The following PDE10A variants were observed in gnomAD, a reference collection of about 807,000 sequenced individuals.
The protein encoded by PDE10A is cAMP and cAMP-inhibited cGMP 3',5'-cyclic phosphodiesterase 10A.
A neutral mutation model predicts 97.7 loss-of-function variants in PDE10A; 39 were observed. The ratio of observed to expected loss-of-function variants is 0.40; its 90% confidence interval spans 0.31 to 0.52. The LOEUF (loss-of-function observed/expected upper bound fraction) is 0.52, where lower values mean the gene tolerates loss of function less well. Among genes scored for constraint, PDE10A ranks in the 20% least tolerant of loss-of-function variants. PDE10A has a pLI of 0.56. For synonymous variants in PDE10A, 371 were observed against 376.8 expected, an observed-to-expected ratio of 0.98 and a Z score of 0.18; for missense variants, 731 against 1,047.8, an observed-to-expected ratio of 0.70 and a Z score of 4.17.
At chr6:165,505,086 G>A (rs938949463) in intron 2 of PDE10A, among the ~76,000 whole-genome samples, 4 of 152,086 alleles carry the variant, frequency 2.6e-5, no homozygotes, top group Non-Finnish European at 4.4e-5. Flanking sequence ...GCTTCTCTTC[G>A]TAGCTCTGCC....
intron 1 of PDE10A, among the ~76,000 whole-genome samples, chr6:165,765,604 C>A (rs894463638): frequency 6.6e-6 from 1 of 152,222 alleles, no homozygotes; most frequent in African/African-American, 2.4e-5. Flanking sequence ...AGCCCACGCC[C>A]ACCTGGAACT....
intron 1 of PDE10A, among the ~76,000 whole-genome samples, chr6:165,616,250 T>C (rs1787721123): frequency 6.6e-6 from 1 of 151,986 alleles, no homozygotes; most frequent in South Asian, 2.1e-4. Flanking sequence ...AGGAACCAAC[T>C]GACAAAACGA....
In PDE10A at chr6:165,813,770, T is replaced by C. The variant is rs1779339767; in HGVS notation, c.-615+173759A>G. Among the ~76,000 whole-genome samples, 3 of 140,998 alleles carry C rather than the reference T, an allele frequency of 2.1e-5. No individual in the cohort carries two copies. The South Asian group carries it at 7.4e-4, about 35-fold the overall frequency. The allele number at this position is 140,998 out of a possible 152,430, so 92.5% of individuals were successfully genotyped here. On this transcript the variant is annotated intron_variant, in intron 1 of 19. Transcript: ENST00000366882. ...AGATAAATCCAAACTCTATAAAACCTTGATTGATGCTAATCGCAGACAAAA... is the reference window on the plus strand; with the variant it reads ...AGATAAATCCAAACTCTATAAAACCCTGATTGATGCTAATCGCAGACAAAA...
chr6:165,522,350 A>G (rs1165043948), intron 2 of PDE10A, among the ~76,000 whole-genome samples: 1 of 152,176 alleles, frequency 6.6e-6, no homozygotes, highest in Non-Finnish European at 1.5e-5. Flanking sequence ...ACAATGCAAA[A>G]AGAAAACTAT....
intron 1 of PDE10A, among the ~76,000 whole-genome samples, chr6:165,657,623 G>C (rs1790033219): frequency 6.6e-6 from 1 of 152,186 alleles, no homozygotes; most frequent in African/African-American, 2.4e-5. Context: ...AGTTTTACAT[G>C]CAGAAATGAT....
chr6:165,468,839 A>G (rs1334218200), intron 3 of PDE10A, among the ~76,000 whole-genome samples: 1 of 152,178 alleles, frequency 6.6e-6, no homozygotes, highest in African/African-American at 2.4e-5. Flanking sequence ...TTTTTTACAC[A>G]ATGAAGAAAT....
At chr6:165,498,300 T>TTCAAGTGGC (rs1489357471) in intron 2 of PDE10A, among the ~76,000 whole-genome samples, 1 of 150,794 alleles carries the variant, frequency 6.6e-6, no homozygotes, top group Non-Finnish European at 1.5e-5. Flanking sequence ...GTCCTGGCTA[T>TTCAAGTGGC]TCAAGTGGCT....
intron 1 of PDE10A, among the ~76,000 whole-genome samples, chr6:165,651,432 G>T (rs1053343733): frequency 2.6e-5 from 4 of 152,138 alleles, no homozygotes; most frequent in African/African-American, 7.2e-5. Context: ...TGTGATAGGA[G>T]CTTTAAGTGT....
chr6:165,627,984 C>T (rs932677948), intron 1 of PDE10A, among the ~76,000 whole-genome samples: 1 of 152,172 alleles, frequency 6.6e-6, no homozygotes, highest in Non-Finnish European at 1.5e-5. Flanking sequence ...AATTGTGACA[C>T]CTTGGGGCTT....
chr6:165,670,452 A>G lies in PDE10A; in HGVS notation c.-614-126884T>C, dbSNP rs1034594029. The stretch of plus-strand genomic sequence containing the variant: ...TTCCCACAGGTACACTGAGAAATAT[A>G]AAGGAACATCATTAACTTGGATTCA... On this transcript the variant is annotated intron_variant, in intron 1 of 19. Transcript: ENST00000366882. Among the ~76,000 whole-genome samples the G allele has an allele frequency of 1.4e-4, 21 of 152,210 alleles. 1 individual carries two copies. The highest frequency in any genetic ancestry group is 2.5e-4 in the Non-Finnish European group (17 of 68,030).
chr6:165,368,403 T>C (rs1783969563), intron 18 of PDE10A, among the ~76,000 whole-genome samples: 1 of 152,142 alleles, frequency 6.6e-6, no homozygotes, highest in Admixed American at 6.5e-5. Context: ...TATATAACTA[T>C]AGCAGAAAAG....
intron 18 of PDE10A, among the ~76,000 whole-genome samples, chr6:165,377,695 T>G (rs570961904): frequency 1.3e-5 from 2 of 152,142 alleles, no homozygotes; most frequent in South Asian, 4.1e-4. Flanking sequence ...CCAAGGGATA[T>G]TTCATGAAGG....
intron 18 of PDE10A, among the ~76,000 whole-genome samples, chr6:165,364,777 A>G (rs1020728679): frequency 6.6e-6 from 1 of 152,202 alleles, no homozygotes; most frequent in Admixed American, 6.5e-5. Context: ...ACAACAATCC[A>G]AAGAAGTCTC....
chr6:165,742,575 A>C (rs1181769910), intron 1 of PDE10A, among the ~76,000 whole-genome samples: 2 of 152,132 alleles, frequency 1.3e-5, no homozygotes, highest in Admixed American at 1.3e-4. Context: ...GGCTCGGGTC[A>C]CTGACTATAT....
At chr6:165,882,405 T>C (rs1160736595) in intron 1 of PDE10A, among the ~76,000 whole-genome samples, 1 of 152,234 alleles carries the variant, frequency 6.6e-6, no homozygotes, top group Non-Finnish European at 1.5e-5. Context: ...TACCATTGTG[T>C]ATTATAAAAC....
At chr6:165,757,741 A>G (rs1793150295) in intron 1 of PDE10A, among the ~76,000 whole-genome samples, 1 of 152,188 alleles carries the variant, frequency 6.6e-6, no homozygotes, top group Admixed American at 6.5e-5. Flanking sequence ...AGGTTTTACA[A>G]GATGTTTTAA....
intron 1 of PDE10A, among the ~76,000 whole-genome samples, chr6:165,960,238 C>T (rs1311147986): frequency 6.6e-6 from 1 of 152,072 alleles, no homozygotes; most frequent in Non-Finnish European, 1.5e-5. Context: ...ATAGTGAAGG[C>T]TGAGTAGCAT....
intron 1 of PDE10A, among the ~76,000 whole-genome samples, chr6:165,567,821 C>G (rs1001595260): frequency 3.9e-5 from 6 of 152,018 alleles, no homozygotes; most frequent in Non-Finnish European, 8.8e-5. Context: ...GAATGCAAAT[C>G]TAAAGCTCTA....
intron 1 of PDE10A, among the ~76,000 whole-genome samples, chr6:165,954,648 A>C (rs1037956140): frequency 6.6e-6 from 1 of 152,126 alleles, no homozygotes; most frequent in Non-Finnish European, 1.5e-5. Context: ...CTCCAGCTTC[A>C]TCTTGGCTGC....
Sources: gnomAD v4.1 joint callset for allele counts (sites outside exome capture counted in the v4.1 genomes callset) on GRCh38, gnomAD v4.1.1 for gene constraint, MANE v1.5 for transcripts, NCBI Gene and HGNC (gene_info 2026-07-23, HGNC 2026-07-21) for gene names.